Variants in PSD2 observed in about 807,000 individuals in gnomAD.
PSD2 encodes the protein PH and SEC7 domain-containing protein 2.
A neutral mutation model predicts 69.8 loss-of-function variants in PSD2; 38 were observed. That is an observed-to-expected ratio of 0.54 (90% CI 0.42 to 0.71). PSD2 has a LOEUF of 0.71. PSD2 is among the 30% of genes least tolerant of loss of function. PSD2 has a pLI of 0.00. For synonymous variants in PSD2, 412 were observed against 423.0 expected (o/e 0.97, Z 0.32); for missense variants, 943 against 1,014.5 (o/e 0.93, Z 0.96).
chr5:139,817,602 G>T, intron 5 of PSD2, 41 bp downstream of exon 5: 1 of 1,492,218 alleles, frequency 6.7e-7, no homozygotes, highest in Non-Finnish European at 9.3e-7. Flanking sequence ...AAGTGGTACA[G>T]GCTGCACTTC....
chr5:139,795,536 C>T (rs1489582686), upstream of PSD2, among the ~76,000 whole-genome samples: 1 of 152,134 alleles, frequency 6.6e-6, no homozygotes, highest in Non-Finnish European at 1.5e-5. The surrounding 1 kb of genome is among the most constrained non-coding windows in gnomAD (Gnocchi z 4.5). Context: ...CCCAGCGTGG[C>T]TAGGAGGGGG....
At chr5:139,762,135 T>C in the PSD2 span, among the ~76,000 whole-genome samples, 2 of 149,980 alleles carry the variant, frequency 1.3e-5, no homozygotes, top group Non-Finnish European at 3.0e-5. Flanking sequence ...CTCCGCCTCC[T>C]GGGTTCAAGC....
chr5:139,813,518 C>T lies in PSD2; in HGVS notation c.581C>T (p.Pro194Leu). 6.2e-7 allele frequency: 1 copy of T among 1,611,632 alleles called. No individual in the cohort carries two copies. Among genetic ancestry groups the T allele is most frequent in the Non-Finnish European group, 8.5e-7 (1 of 1,178,092 alleles). The stretch of plus-strand genomic sequence containing the variant: ...CAGCGGGCCCGTGACAGCCCTGAGC[C>T]AGGGGCTGGGTTGGGCATTGGGGAC... ...IQQRARDSPE[P>L]GAGLGIGDMA... Residue 194 changes from proline (P) to leucine (L), a missense_variant, in exon 3 of 15, where the codon CCA becomes CTA. Pro to Leu is a moderately conservative substitution (Grantham distance 98, BLOSUM62 -3). This residue lies in a region of PSD2 where 466 missense variants were observed against 445.0 expected (regional missense o/e 1.05). Transcript: ENST00000274710.
intron 1 of PSD2, among the ~76,000 whole-genome samples, chr5:139,798,586 C>T (rs1759590400): frequency 6.6e-6 from 1 of 152,236 alleles, no homozygotes; most frequent in Non-Finnish European, 1.5e-5. Flanking sequence ...AGTGAACACC[C>T]ACCTACATAC....
At position 139,814,978 on chromosome 5, in the gene PSD2, C is replaced by G. The variant is rs1561598155; in HGVS notation, c.1016+614C>G. Among the ~76,000 whole-genome samples the G allele has an allele frequency of 6.6e-6, 1 of 152,180 alleles. No homozygotes were observed. Among genetic ancestry groups the G allele is most frequent in the African/African-American group, 2.4e-5 (1 of 41,442 alleles). On this transcript the variant is annotated intron_variant, in intron 4 of 14. Coordinates refer to ENST00000274710, the MANE Select transcript of PSD2 (RefSeq NM_032289.4). The surrounding 1 kb of genome is among the most constrained non-coding windows in gnomAD (Gnocchi z 4.4). ...ACCAGTGTGACCACCCACCACCTGCCCCTGGCCCTTTCATCCAGATTGCCT... is the reference window on the plus strand; with the variant it reads ...ACCAGTGTGACCACCCACCACCTGCGCCTGGCCCTTTCATCCAGATTGCCT...
Position 139,813,645 on chromosome 5 carries a change from C to A in PSD2, c.708C>A (p.Ser236Arg). 6.2e-7 allele frequency: 1 copy of A among 1,613,970 alleles called. No homozygotes were observed. Among genetic ancestry groups the A allele is most frequent in the Non-Finnish European group, 8.5e-7 (1 of 1,179,986 alleles). Residue 236 changes from serine (S) to arginine (R), a missense_variant, in exon 3 of 15, where the codon AGC becomes AGA. Ser to Arg is a moderately radical substitution (Grantham distance 110, BLOSUM62 -1). Coordinates refer to ENST00000274710, the MANE Select transcript of PSD2 (RefSeq NM_032289.4). Reference protein sequence around the residue: ...ISSSRSENVLSRLSLMAMPNG... With the variant: ...ISSSRSENVLRRLSLMAMPNG... ...GCAGCCGCTCTGAGAATGTCCTGAG[C>A]CGCCTGTCTCTCATGGCCATGCCCA... is the stretch of plus-strand genomic sequence containing the variant.
chr5:139,817,545 C>G lies in PSD2; in HGVS notation c.1081C>G (p.Leu361Val). 1 of 1,614,050 alleles carries G rather than the reference C, an allele frequency of 6.2e-7. No homozygotes were observed. The highest frequency in any genetic ancestry group is 1.1e-5 in the South Asian group (1 of 91,074). The change falls in exon 5 of 15, where the codon CTG becomes GTG. Residue 361 changes from leucine (L) to valine (V), a missense_variant. This residue lies in a region of PSD2 where 312 missense variants were observed against 400.7 expected (regional missense o/e 0.78). Coordinates refer to ENST00000274710, the MANE Select transcript of PSD2 (RefSeq NM_032289.4). The part of the protein sequence containing the change: ...LSFFDFSGLT[L>V]DGALRTFLKA... The stretch of plus-strand genomic sequence containing the variant: ...TTTCTTCGACTTCTCGGGCTTGACT[C>G]TGGACGGAGCACTCAGGTCAGTGGG...
chr5:139,748,763 G>T, the PSD2 span, among the ~76,000 whole-genome samples: 1 of 152,254 alleles, frequency 6.6e-6, no homozygotes. Flanking sequence ...TCGGCTCCGC[G>T]GCCACCGCAT....
intron 4 of PSD2, among the ~76,000 whole-genome samples, chr5:139,815,804 G>A (rs995991174): frequency 7.9e-5 from 12 of 152,042 alleles, no homozygotes; most frequent in Admixed American, 4.6e-4. Context: ...GACCAGCCTG[G>A]CCAATATGGG....
chr5:139,785,546 G>A, the PSD2 span, among the ~76,000 whole-genome samples: 1 of 152,110 alleles, frequency 6.6e-6, no homozygotes. Flanking sequence ...CTGATGGCCT[G>A]TTTTCCCTGT....
At chr5:139,796,369 C>T (rs923729580) in intron 1 of PSD2, among the ~76,000 whole-genome samples, 1 of 152,364 alleles carries the variant, frequency 6.6e-6, no homozygotes, top group African/African-American at 2.4e-5. Flanking sequence ...GTGCCAGTGG[C>T]AGCCTGGTGG....
the PSD2 span, among the ~76,000 whole-genome samples, chr5:139,788,265 T>G: frequency 2.1e-5 from 3 of 140,822 alleles, no homozygotes; most frequent in Non-Finnish European, 3.0e-5. Context: ...TGGCCGCTCC[T>G]CCCTGGGCAG....
At chr5:139,769,506 G>A in the PSD2 span, among the ~76,000 whole-genome samples, 1 of 151,792 alleles carries the variant, frequency 6.6e-6, no homozygotes, top group Non-Finnish European at 1.5e-5. Context: ...TGGCTCCTCA[G>A]GCTTCCCACC....
chr5:139,793,341 C>G (rs1489128084), upstream of PSD2, among the ~76,000 whole-genome samples: 3 of 152,242 alleles, frequency 2.0e-5, no homozygotes, highest in African/African-American at 7.2e-5. Context: ...TCACACAGAG[C>G]TCACCTGTGG....
the PSD2 span, among the ~76,000 whole-genome samples, chr5:139,768,315 G>A: frequency 6.6e-6 from 1 of 152,230 alleles, no homozygotes; most frequent in Non-Finnish European, 1.5e-5. Flanking sequence ...GAGGCCAGTG[G>A]GCTGGTCACC....
At chr5:139,768,504 C>T in the PSD2 span, among the ~76,000 whole-genome samples, 1 of 152,116 alleles carries the variant, frequency 6.6e-6, no homozygotes, top group Admixed American at 6.5e-5. Flanking sequence ...GGGTGGATCG[C>T]CTGAGGAAGG....
the PSD2 span, among the ~76,000 whole-genome samples, chr5:139,767,844 G>A: frequency 3.7e-4 from 57 of 152,366 alleles, no homozygotes; most frequent in East Asian, 0.011. Context: ...GCTTGACAGA[G>A]GTAAGGCTCT....
intron 7 of PSD2, among the ~76,000 whole-genome samples, chr5:139,825,596 G>A (rs1306014588): frequency 6.6e-6 from 1 of 151,790 alleles, no homozygotes; most frequent in Non-Finnish European, 1.5e-5. Flanking sequence ...TGATGGGGTT[G>A]GTCAGTGAAA....
chr5:139,834,745 CA>C (rs1760675223), intron 8 of PSD2, among the ~76,000 whole-genome samples: 1 of 152,036 alleles, frequency 6.6e-6, no homozygotes, highest in Non-Finnish European at 1.5e-5. Flanking sequence ...TATTCTTCAC[CA>C]TTGAGAAGCG....
Sources: allele counts gnomAD v4.1 joint callset (sites outside exome capture counted in the v4.1 genomes callset), GRCh38; gene constraint gnomAD v4.1.1; regional missense constraint gnomAD v4.1.1; non-coding constraint Gnocchi (gnomAD v3.1); transcripts MANE v1.5; gene names NCBI Gene and HGNC (gene_info 2026-07-23, HGNC 2026-07-21).